Variants in FYN observed in about 807,000 individuals in gnomAD.
FYN encodes FYN proto-oncogene, Src family tyrosine kinase, also known as tyrosine-protein kinase Fyn.
Under a neutral mutation model 70.2 loss-of-function variants are expected in FYN, and 10 were observed. That is an observed-to-expected ratio of 0.14 (90% confidence interval 0.09 to 0.24). The LOEUF is 0.24. FYN is among the 10% of genes least tolerant of loss of function. The probability of loss-of-function intolerance (pLI) is 1.00; values close to 1 mark genes in which losing one functional copy is unlikely to be tolerated. For synonymous variants in FYN, 236 were observed against 248.6 expected (o/e 0.95, Z 0.48); for missense variants, 319 against 673.1 (o/e 0.47, Z 5.82).
At chr6:111,812,315 C>G (rs1230145248) in intron 2 of FYN, among the ~76,000 whole-genome samples, 1 of 152,178 alleles carries the variant, frequency 6.6e-6, no homozygotes, top group African/African-American at 2.4e-5. Flanking sequence ...CAGAAATGCC[C>G]ATGGCAAAAC....
At chr6:111,700,305 G>A in intron 8 of FYN, 37 bp from the exon 9 acceptor site, 3 of 1,607,730 alleles carry the variant, frequency 1.9e-6, no homozygotes, top group Admixed American at 1.7e-5. Context: ...AGGGAGAGAA[G>A]AGCAGAACAC....
intron 12 of FYN, among the ~76,000 whole-genome samples, chr6:111,678,722 T>C (rs1228888963): frequency 1.3e-5 from 2 of 152,330 alleles, no homozygotes; most frequent in East Asian, 1.9e-4. Context: ...CAATCCTTGG[T>C]GACTTTGTAA....
rs113717571 is a variant in FYN, at chr6:111,755,429, C to T, written c.-12+25137G>A. Among the ~76,000 whole-genome samples, 19 of 152,246 alleles carry T rather than the reference C, an allele frequency of 1.2e-4. 1 individual carries two copies. Among genetic ancestry groups the T allele is most frequent in the African/African-American group, 4.6e-4 (19 of 41,542 alleles). ...AATTTTAAGGGCAAAGTGACACATA[C>T]AGTGAGAGATTTTAATAACACCTCT... On this transcript the variant is annotated intron_variant, in intron 3 of 13. Coordinates refer to ENST00000354650, the MANE Select transcript of FYN (RefSeq NM_002037.5).
At chr6:111,824,841 T>C (rs1488410044) in intron 2 of FYN, among the ~76,000 whole-genome samples, 3 of 152,238 alleles carry the variant, frequency 2.0e-5, no homozygotes, top group Non-Finnish European at 4.4e-5. Flanking sequence ...ACACTTTTAC[T>C]CCTAAGGTTA....
At chr6:111,742,100 T>G (rs1802002405) in intron 3 of FYN, among the ~76,000 whole-genome samples, 1 of 152,210 alleles carries the variant, frequency 6.6e-6, no homozygotes, top group African/African-American at 2.4e-5. Context: ...GGATAAGTAA[T>G]TTTTGAGAGC....
intron 3 of FYN, among the ~76,000 whole-genome samples, chr6:111,729,870 T>A (rs991704866): frequency 2.6e-5 from 4 of 152,224 alleles, no homozygotes; most frequent in Non-Finnish European, 5.9e-5. Context: ...CTCTGTGTCT[T>A]TTTTCTCAGA....
chr6:111,691,434 C>T (rs1799311018), intron 12 of FYN, among the ~76,000 whole-genome samples: 1 of 152,188 alleles, frequency 6.6e-6, no homozygotes, highest in Non-Finnish European at 1.5e-5. Flanking sequence ...AATCAAGATG[C>T]AGCATGGCTG....
chr6:111,860,004 T>C (rs1773917764), intron 1 of FYN, among the ~76,000 whole-genome samples: 1 of 152,070 alleles, frequency 6.6e-6, no homozygotes, highest in Non-Finnish European at 1.5e-5. Flanking sequence ...GCAGAGATTG[T>C]AGTGACATGC....
chr6:111,829,789 A>T (rs2114405717), intron 2 of FYN, among the ~76,000 whole-genome samples: 1 of 152,320 alleles, frequency 6.6e-6, no homozygotes, highest in South Asian at 2.1e-4. Flanking sequence ...ACTGCAATAG[A>T]CATGCCACGG....
At chr6:111,687,642 C>CAG (rs374882686) in intron 12 of FYN, among the ~76,000 whole-genome samples, 149 of 144,338 alleles carry the variant, frequency 1.0e-3, no homozygotes, top group African/African-American at 2.3e-3. Context: ...ATGTGTGTGT[C>CAG]AGAGAGAGAG....
chr6:111,865,988 G>A (rs780765467), intron 1 of FYN, among the ~76,000 whole-genome samples: 7 of 152,196 alleles, frequency 4.6e-5, no homozygotes, highest in African/African-American at 9.6e-5. Context: ...ATTCAGAACC[G>A]ACAATCACCC....
At chr6:111,732,249 G>A (rs1166389867) in intron 3 of FYN, among the ~76,000 whole-genome samples, 2 of 152,168 alleles carry the variant, frequency 1.3e-5, no homozygotes, top group African/African-American at 2.4e-5. Flanking sequence ...ATTTAATAGT[G>A]ACTTTTCACT....
At chr6:111,793,885 T>C (rs544494204) in intron 2 of FYN, 1 of 152,296 alleles carries the variant, frequency 6.6e-6, no homozygotes, top group Non-Finnish European at 1.5e-5. Flanking sequence ...TTTTGTTCTC[T>C]TGGACCCTCT....
chr6:111,672,468 T>G (rs981144130), intron 13 of FYN, among the ~76,000 whole-genome samples: 9 of 152,222 alleles, frequency 5.9e-5, no homozygotes, highest in Non-Finnish European at 1.0e-4. Context: ...CTGCTGTGTG[T>G]GGATACCTGG....
At chr6:111,722,989 G>A (rs572680786) in intron 3 of FYN, among the ~76,000 whole-genome samples, 1 of 152,328 alleles carries the variant, frequency 6.6e-6, no homozygotes, top group East Asian at 1.9e-4. Flanking sequence ...GTTTTAAAGA[G>A]TGACATGAAG....
chr6:111,787,854 T>C (rs1241012924), intron 2 of FYN, among the ~76,000 whole-genome samples: 2 of 152,224 alleles, frequency 1.3e-5, no homozygotes, highest in Non-Finnish European at 2.9e-5. Flanking sequence ...AACTCAGGGC[T>C]TGGTGACACT....
At chr6:111,701,162 T>C (rs1562479532) in intron 8 of FYN, among the ~76,000 whole-genome samples, 1 of 152,232 alleles carries the variant, frequency 6.6e-6, no homozygotes, top group Non-Finnish European at 1.5e-5. Context: ...TCTTTCTTTG[T>C]CTTCTTTCCT....
chr6:111,868,023 T>C (rs1774164133), intron 1 of FYN, among the ~76,000 whole-genome samples: 1 of 152,098 alleles, frequency 6.6e-6, no homozygotes, highest in Non-Finnish European at 1.5e-5. Flanking sequence ...CTGTTCTTTC[T>C]GGGACAGGGA....
chr6:111,768,679 G>A (rs894109143), intron 3 of FYN, among the ~76,000 whole-genome samples: 3 of 152,130 alleles, frequency 2.0e-5, no homozygotes, highest in Non-Finnish European at 2.9e-5. Flanking sequence ...ATGATGCTCT[G>A]CCACTATATT....
Sources: allele counts gnomAD v4.1 joint callset (sites outside exome capture counted in the v4.1 genomes callset), GRCh38; gene constraint gnomAD v4.1.1; transcripts MANE v1.5; gene names NCBI Gene and HGNC (gene_info 2026-07-23, HGNC 2026-07-21).